CEP152: variants seen among roughly 807,000 people sequenced by gnomAD.
The protein encoded by CEP152 is centrosomal protein of 152 kDa.
In CEP152, 132 loss-of-function variants were observed where a neutral mutation model predicts 188.9. The observed-to-expected ratio is 0.70, with a 90% CI of 0.61 to 0.81. The LOEUF (loss-of-function observed/expected upper bound fraction) is 0.81, where lower values mean the gene tolerates loss of function less well. CEP152 is among the 30% of genes least tolerant of loss of function. The pLI is 0.00. For synonymous variants in CEP152, 649 were observed against 666.6 expected, an observed-to-expected ratio of 0.97 and a Z score of 0.41; for missense variants, 1,914 against 1,969.8, an observed-to-expected ratio of 0.97 and a Z score of 0.54.
intron 19 of CEP152, among the ~76,000 whole-genome samples, chr15:48,759,314 A>G (rs1486654427): frequency 1.3e-5 from 2 of 152,174 alleles, no homozygotes; most frequent in African/African-American, 4.8e-5. Context: ...CCTAGAATTT[A>G]TTGTGATACA....
At position 48,782,122 on chromosome 15, in the gene CEP152, C is replaced by G; in HGVS notation, c.1413+17G>C. On this transcript the variant is annotated intron_variant, in intron 11 of 26. Transcript: ENST00000380950. ...ATTCAGATACCCATAGAGCCTCTTC[C>G]AAGTGGCAACACTCACTTGCAAAGC... The G allele has an allele frequency of 6.2e-7, 1 of 1,608,352 alleles. No homozygotes were observed. The highest frequency in any genetic ancestry group is 8.5e-7 in the Non-Finnish European group (1 of 1,175,044).
At chr15:48,804,060 C>T (rs1434266779) in intron 2 of CEP152, among the ~76,000 whole-genome samples, 1 of 152,232 alleles carries the variant, frequency 6.6e-6, no homozygotes, top group Non-Finnish European at 1.5e-5. Context: ...AGAGAATTTA[C>T]CAGAGTGAAG....
At chr15:48,729,449 A>G (rs535345122) in intron 2 of CEP152, 1 of 152,278 alleles carries the variant, frequency 6.6e-6, no homozygotes, top group South Asian at 2.1e-4. Flanking sequence ...AGCGGGGAGG[A>G]TCATTTGAAC....
chr15:48,796,942 T>G (rs894298900), intron 5 of CEP152, among the ~76,000 whole-genome samples: 1 of 152,242 alleles, frequency 6.6e-6, no homozygotes, highest in African/African-American at 2.4e-5. Flanking sequence ...ACAGAATTAC[T>G]GCTTTAAAAA....
At chr15:48,753,672 G>A (rs1894052094) in intron 20 of CEP152, among the ~76,000 whole-genome samples, 1 of 152,156 alleles carries the variant, frequency 6.6e-6, no homozygotes, top group African/African-American at 2.4e-5. Flanking sequence ...TAACAGAAAA[G>A]GGAGAAAAGC....
At chr15:48,741,832 AC>A (rs1274953543) in intron 25 of CEP152, 114 bp downstream of exon 25, 5 of 1,609,192 alleles carry the variant, frequency 3.1e-6, no homozygotes, top group Admixed American at 3.3e-5. Context: ...ACCTCTCTTA[AC>A]CCCCTATGGC....
chr15:48,755,101 A>G (rs1441388288), intron 20 of CEP152, among the ~76,000 whole-genome samples: 1 of 151,936 alleles, frequency 6.6e-6, no homozygotes, highest in Non-Finnish European at 1.5e-5. Context: ...TCTTTCATGC[A>G]TACCTAATTG....
In CEP152 at chr15:48,784,012, C is replaced by T; in HGVS notation, c.1282G>A (p.Glu428Lys). The T allele has an allele frequency of 6.2e-7, 1 of 1,613,748 alleles. No homozygotes were observed. Among genetic ancestry groups the T allele is most frequent in the African/African-American group, 1.3e-5 (1 of 74,946 alleles). Residue 428 changes from glutamate (E) to lysine (K), a missense_variant, in exon 10 of 27, where the codon GAG (glutamate) becomes AAG (lysine). By Grantham distance (56) the Glu-to-Lys change is moderately conservative. Transcript: ENST00000380950. ...EIINKLTRSLEESQKQCAHLL... is the reference protein window; with the variant it reads ...EIINKLTRSLKESQKQCAHLL... ...TGGGCACACTGCTTTTGACTCTCCTCTAGACTTCTTGTCAACTTATTAATG... is the reference window on the plus strand; with the variant it reads ...TGGGCACACTGCTTTTGACTCTCCTTTAGACTTCTTGTCAACTTATTAATG...
At chr15:48,736,208 C>G (rs1448719284), downstream of CEP152, among the ~76,000 whole-genome samples, 1 of 152,120 alleles carries the variant, frequency 6.6e-6, no homozygotes, top group Non-Finnish European at 1.5e-5. Context: ...AAACTCCATC[C>G]AATATATAAA....
chr15:48,730,556 C>T (rs1359447888), intron 2 of CEP152, among the ~76,000 whole-genome samples: 1 of 152,162 alleles, frequency 6.6e-6, no homozygotes, highest in African/African-American at 2.4e-5. Flanking sequence ...GCAGGAAGAC[C>T]TGGAAGCGCT....
intron 15 of CEP152, among the ~76,000 whole-genome samples, chr15:48,767,887 T>C (rs1318640849): frequency 6.6e-6 from 1 of 152,232 alleles, no homozygotes; most frequent in African/African-American, 2.4e-5. Context: ...TATGATTTGG[T>C]ATTTGGAAGA....
At position 48,741,435 on chromosome 15, in the gene CEP152, G is replaced by A. The variant is rs574884328; in HGVS notation, c.4093+166C>T. 4.1e-6 allele frequency: 6 copies of A among 1,476,072 alleles called. No homozygotes were observed. In the South Asian group the frequency reaches 8.2e-5, roughly 20 times the overall value. 91.4% of individuals were successfully genotyped at this position (1,476,072 alleles called of 1,614,324 possible). On this transcript the variant is annotated intron_variant, in intron 26 of 26. Transcript: ENST00000380950. ...CATGCTCAGTCTGCCTACTTAAATTGGAAACTGTGTACTCTTTTTGCGTAA... is the reference window on the plus strand; with the variant it reads ...CATGCTCAGTCTGCCTACTTAAATTAGAAACTGTGTACTCTTTTTGCGTAA...
chr15:48,762,548 T>G lies in CEP152; in HGVS notation c.2405A>C (p.Asp802Ala). ...GSQTDQVTTS[D>A]VISKKEMAIM... The stretch of plus-strand genomic sequence containing the variant: ...TGCCATCTCTTTCTTGGAAATAACA[T>G]CACTGGTGGTTACTTGGTCAGTTTG... The change falls in exon 18 of 27, where the codon GAT becomes GCT. Residue 802 changes from aspartate to alanine, a missense_variant. Physicochemically the swap from Asp to Ala is moderately radical, Grantham distance 126. Transcript: ENST00000380950. 6.2e-7 allele frequency: 1 copy of G among 1,614,108 alleles called. No individual in the cohort carries two copies.
At chr15:48,792,956 G>C (rs909859043) in intron 7 of CEP152, among the ~76,000 whole-genome samples, 1 of 151,952 alleles carries the variant, frequency 6.6e-6, no homozygotes, top group Non-Finnish European at 1.5e-5. Context: ...CAAGTAGATG[G>C]GATTACAGGT....
In CEP152 at chr15:48,760,206, C is replaced by T; in HGVS notation, c.2623G>A (p.Glu875Lys). Reference sequence around the variant, plus strand: ...TCTGCCTTCACAAGTGCTTGATACTCTGCCAGCTCTGGTAGTTCTCCCAGC... The same window carrying T: ...TCTGCCTTCACAAGTGCTTGATACTTTGCCAGCTCTGGTAGTTCTCCCAGC... ...RWLGELPELA[E>K]YQALVKAEQK... Residue 875 changes from glutamate to lysine, a missense_variant, in exon 19 of 27, where the codon GAG becomes AAG. Coordinates refer to ENST00000380950, the MANE Select transcript of CEP152 (RefSeq NM_001194998.2). The T allele has an allele frequency of 6.2e-7, 1 of 1,614,152 alleles. No individual in the cohort carries two copies. The highest frequency in any genetic ancestry group is 2.2e-5 in the East Asian group (1 of 44,878).
chr15:48,731,661 G>A (rs990582281), intron 2 of CEP152, among the ~76,000 whole-genome samples: 2 of 152,162 alleles, frequency 1.3e-5, no homozygotes, highest in Non-Finnish European at 2.9e-5. Context: ...AAAAGCAATT[G>A]CAACAAAAAC....
intron 17 of CEP152, among the ~76,000 whole-genome samples, chr15:48,763,773 C>G (rs1334929349): frequency 1.3e-5 from 2 of 152,070 alleles, no homozygotes; most frequent in Non-Finnish European, 2.9e-5. Flanking sequence ...CCCTAACTTG[C>G]TAGGGAACTA....
chr15:48,787,398 T>C (rs1393636373), intron 9 of CEP152, among the ~76,000 whole-genome samples: 2 of 152,168 alleles, frequency 1.3e-5, no homozygotes, highest in African/African-American at 2.4e-5. Flanking sequence ...CTTGAACTCA[T>C]GGGCTCAAGT....
At chr15:48,765,100 G>C (rs993968118) in intron 17 of CEP152, among the ~76,000 whole-genome samples, 25 of 152,124 alleles carry the variant, frequency 1.6e-4, no homozygotes, top group African/African-American at 5.3e-4. Context: ...ATACTACTAA[G>C]GGCTTATATA....
Sources: allele counts gnomAD v4.1 joint callset (sites outside exome capture counted in the v4.1 genomes callset), GRCh38; gene constraint gnomAD v4.1.1; transcripts MANE v1.5; gene names NCBI Gene and HGNC (gene_info 2026-07-23, HGNC 2026-07-21).